NSG2: variants seen among roughly 807,000 people sequenced by gnomAD.
NSG2 encodes the protein neuronal vesicle trafficking-associated protein 2.
A neutral mutation model predicts 16.9 loss-of-function variants in NSG2; 4 were observed. The ratio of observed to expected loss-of-function variants is 0.24; its 90% CI spans 0.12 to 0.54. The LOEUF is 0.54. Ranked by LOEUF, NSG2 falls within the 20% of genes least tolerant of loss-of-function variation. The pLI, the probability that NSG2 is intolerant of heterozygous loss-of-function variation, is 0.95. For missense variants in NSG2, 179 were observed against 221.1 expected (o/e 0.81, Z 1.21); for synonymous variants, 98 against 88.7 (o/e 1.11, Z -0.59).
intron 3 of NSG2, among the ~76,000 whole-genome samples, chr5:174,103,893 AG>A (rs1389085317): frequency 6.6e-6 from 1 of 152,186 alleles, no homozygotes; most frequent in Non-Finnish European, 1.5e-5. Context: ...TGAACCTGGG[AG>A]GTGAAGGTTG....
intron 2 of NSG2, among the ~76,000 whole-genome samples, chr5:174,051,803 G>A (rs1264764625): frequency 6.6e-6 from 1 of 152,214 alleles, no homozygotes; most frequent in Non-Finnish European, 1.5e-5. Context: ...ATGTTGTAAT[G>A]TAAGGAGAGA....
chr5:174,104,655 G>A (rs888444551), intron 4 of NSG2, among the ~76,000 whole-genome samples: 1 of 152,150 alleles, frequency 6.6e-6, no homozygotes, highest in African/African-American at 2.4e-5. Context: ...TCGGCTTGGT[G>A]CGGGTCTTCC....
At chr5:174,099,007 C>T (rs1164026052) in intron 3 of NSG2, among the ~76,000 whole-genome samples, 1 of 152,184 alleles carries the variant, frequency 6.6e-6, no homozygotes, top group Non-Finnish European at 1.5e-5. Context: ...TGGAGTCCGG[C>T]TTTCATGTTC....
In NSG2 at chr5:174,107,456, C is replaced by T. The variant is rs1177571063; in HGVS notation, c.467C>T (p.Ala156Val). 3.7e-6 allele frequency: 6 copies of T among 1,612,392 alleles called. No individual in the cohort carries two copies. Among genetic ancestry groups the T allele is most frequent in the Middle Eastern group, 1.7e-4 (1 of 6,060 alleles). ...CGGGCCATCGGGCCGTGGCTGTCAG[C>T]AGCCGCTGTCATCCATGAGCCCAAG... ...TARAIGPWLS[A>V]AAVIHEPKPP... is the part of the protein sequence containing the mutation. Residue 156 changes from alanine to valine, a missense_variant, in exon 5 of 5, where the codon GCA becomes GTA. Coordinates refer to ENST00000303177, the MANE Select transcript of NSG2 (RefSeq NM_015980.5). This position sits in a 1 kb window ranked among gnomAD's most constrained non-coding sequence, Gnocchi z 4.5.
chr5:174,059,611 T>G (rs1760018480), intron 2 of NSG2, among the ~76,000 whole-genome samples: 1 of 152,168 alleles, frequency 6.6e-6, no homozygotes, highest in African/African-American at 2.4e-5. Context: ...CAAAATTATA[T>G]TAAGGCTCAA....
chr5:174,047,778 A>C (rs952010838), intron 2 of NSG2, among the ~76,000 whole-genome samples: 7 of 152,164 alleles, frequency 4.6e-5, no homozygotes, highest in Admixed American at 1.3e-4. Flanking sequence ...AGAAGGGAGA[A>C]ATAGTATCAT....
In NSG2 at chr5:174,104,345, G is replaced by A; in HGVS notation, c.324+7G>A. ...AGAGGGATTCGTCTATAAGGTAAGA[G>A]GTGGTTGAGTAGTCCCAGGTCACTA... On this transcript the variant is annotated splice_region_variant and intron_variant, in intron 4 of 4. Coordinates refer to ENST00000303177, the MANE Select transcript of NSG2 (RefSeq NM_015980.5). 6.3e-7 allele frequency: 1 copy of A among 1,591,978 alleles called. No homozygotes were observed. Among genetic ancestry groups the A allele is most frequent in the Non-Finnish European group, 8.6e-7 (1 of 1,159,878 alleles).
At chr5:174,102,749 G>GTTTT (rs34781452) in intron 3 of NSG2, among the ~76,000 whole-genome samples, 104 of 148,084 alleles carry the variant, frequency 7.0e-4, no homozygotes, top group East Asian at 2.4e-3. Flanking sequence ...GCCATGCTTT[G>GTTTT]TTTTTTTTAT....
intron 3 of NSG2, among the ~76,000 whole-genome samples, chr5:174,097,429 C>T (rs1370466575): frequency 6.6e-6 from 1 of 150,522 alleles, no homozygotes; most frequent in Non-Finnish European, 1.5e-5. Flanking sequence ...GCCAGGTTGC[C>T]GTCTGTCTGC....
chr5:174,074,126 A>G (rs1232879771), intron 3 of NSG2, among the ~76,000 whole-genome samples: 1 of 152,134 alleles, frequency 6.6e-6, no homozygotes, highest in Non-Finnish European at 1.5e-5. Context: ...TGGAAAGGCG[A>G]TATGGAAGAA....
At chr5:174,093,910 G>T (rs1451717505) in intron 3 of NSG2, among the ~76,000 whole-genome samples, 1 of 152,196 alleles carries the variant, frequency 6.6e-6, no homozygotes, top group Non-Finnish European at 1.5e-5. Flanking sequence ...TCAGCATCCT[G>T]GCTTGACAGT....
At chr5:174,077,972 AAAAATATCTGT>A (rs1157042210) in intron 3 of NSG2, among the ~76,000 whole-genome samples, 2 of 152,200 alleles carry the variant, frequency 1.3e-5, no homozygotes, top group Non-Finnish European at 2.9e-5. Context: ...AGTTCTCACA[AAAAATATCTGT>A]TGTCTACATC....
chr5:174,061,374 T>G (rs1166503476), intron 2 of NSG2, among the ~76,000 whole-genome samples: 1 of 152,264 alleles, frequency 6.6e-6, no homozygotes, highest in African/African-American at 2.4e-5. Flanking sequence ...TTCTTTCATT[T>G]GGTCCATCCC....
At chr5:174,046,107 AT>A (rs1363544790) in intron 1 of NSG2, 2 of 151,526 alleles carry the variant, frequency 1.3e-5, no homozygotes, top group Admixed American at 6.6e-5. Context: ...AAAAAAAAAA[AT>A]GGCCCTTCGC....
At chr5:174,100,759 G>C (rs1380401185) in intron 3 of NSG2, among the ~76,000 whole-genome samples, 1 of 152,234 alleles carries the variant, frequency 6.6e-6, no homozygotes, top group Non-Finnish European at 1.5e-5. Context: ...CAGTGGAAGA[G>C]CTCACCCTGT....
chr5:174,046,559 A>G (rs1759799089), intron 1 of NSG2, 175 bp from the exon 2 acceptor site: 2 of 578,874 alleles, frequency 3.5e-6, no homozygotes. Context: ...TGATTAAAGA[A>G]GTTTTGTTGG....
At chr5:174,105,736 A>G (rs1036975298) in intron 4 of NSG2, among the ~76,000 whole-genome samples, 3 of 152,172 alleles carry the variant, frequency 2.0e-5, no homozygotes, top group Non-Finnish European at 2.9e-5. Context: ...CCCCGTCTCT[A>G]CTAAAAATAC....
intron 3 of NSG2, among the ~76,000 whole-genome samples, chr5:174,097,594 ACTGTGTGTGTGTCTGTGTTTCTCT>A (rs1300103994): frequency 1.0e-5 from 1 of 95,498 alleles, no homozygotes; most frequent in African/African-American, 4.4e-5. Flanking sequence ...TGTGTGTGTA[ACTGTGTGTGTGTCTGTGTTTCTCT>A]CTGTGTGTGT....
chr5:174,076,299 A>G (rs1760341688), intron 3 of NSG2, among the ~76,000 whole-genome samples: 1 of 151,662 alleles, frequency 6.6e-6, no homozygotes, highest in Non-Finnish European at 1.5e-5. Flanking sequence ...TGAAAATGCT[A>G]CAAGTAGGGA....
Sources: allele counts gnomAD v4.1 joint callset (sites outside exome capture counted in the v4.1 genomes callset), GRCh38; gene constraint gnomAD v4.1.1; non-coding constraint Gnocchi (gnomAD v3.1); transcripts MANE v1.5; gene names NCBI Gene and HGNC (gene_info 2026-07-23, HGNC 2026-07-21).